Variants in RPS6KA5 observed in about 807,000 individuals in gnomAD.
RPS6KA5 encodes ribosomal protein S6 kinase A5, also known as ribosomal protein S6 kinase alpha-5.
RPS6KA5 carries 27 observed loss-of-function variants against 85.5 expected under a neutral mutation model. That is an observed-to-expected ratio of 0.32 (90% CI 0.23 to 0.44). RPS6KA5 has a LOEUF of 0.44. Among genes scored for constraint, RPS6KA5 ranks in the 20% least tolerant of loss-of-function variants. The probability of loss-of-function intolerance (pLI) is 1.00; values close to 1 mark genes in which losing one functional copy is unlikely to be tolerated. For synonymous variants in RPS6KA5, 334 were observed against 348.2 expected, an observed-to-expected ratio of 0.96 and a Z score of 0.46; for missense variants, 811 against 980.9, an observed-to-expected ratio of 0.83 and a Z score of 2.31.
chr14:90,943,038 A>T, intron 5 of RPS6KA5, 40 bp downstream of exon 5: 1 of 1,110,688 alleles, frequency 9.0e-7, no homozygotes, highest in Non-Finnish European at 1.4e-6. Context: ...ATCCTTGTTT[A>T]CATGCTGTTA....
intron 1 of RPS6KA5, among the ~76,000 whole-genome samples, chr14:91,049,186 G>A (rs534066457): frequency 3.3e-4 from 50 of 152,270 alleles, no homozygotes; most frequent in African/African-American, 1.2e-3. Flanking sequence ...TTCTTTTAAG[G>A]TCTAGGCACT....
rs530753361 is a variant in RPS6KA5 at position 90,848,677 on chromosome 14, A to T, written c.*23397T>A. 1 of 152,328 alleles carries T rather than the reference A, an allele frequency of 6.6e-6. No homozygotes were observed. Among genetic ancestry groups the T allele is most frequent in the East Asian group, 1.9e-4 (1 of 5,190 alleles). 9.4% of individuals were successfully genotyped at this position (152,328 alleles called of 1,614,324 possible). The stretch of plus-strand genomic sequence containing the variant: ...CTTCTAGAGAGACTTAGAAAAAAAA[A>T]GCCATGCAAATAAAAATCTCATTAC... On this transcript the variant is annotated 3_prime_UTR_variant, in exon 17 of 17. Coordinates refer to ENST00000614987, the MANE Select transcript of RPS6KA5 (RefSeq NM_004755.4).
intron 1 of RPS6KA5, among the ~76,000 whole-genome samples, chr14:91,022,507 G>A (rs1029663546): frequency 1.3e-5 from 2 of 152,086 alleles, no homozygotes; most frequent in African/African-American, 4.8e-5. Flanking sequence ...GATGGTTGGT[G>A]GCAGTTAAAG....
chr14:91,016,884 A>G (rs920480761), intron 1 of RPS6KA5, among the ~76,000 whole-genome samples: 1 of 141,106 alleles, frequency 7.1e-6, no homozygotes, highest in African/African-American at 2.6e-5. Context: ...AAAAAAAAAA[A>G]CTGAAGGTAT....
intron 14 of RPS6KA5, among the ~76,000 whole-genome samples, chr14:90,889,368 C>T (rs1301657281): frequency 6.6e-6 from 1 of 150,404 alleles, no homozygotes; most frequent in Non-Finnish European, 1.5e-5. Context: ...TGAAAAGATG[C>T]TCTAACTAAA....
chr14:90,986,891 C>G (rs2040077862), intron 2 of RPS6KA5, among the ~76,000 whole-genome samples: 1 of 152,238 alleles, frequency 6.6e-6, no homozygotes, highest in African/African-American at 2.4e-5. Flanking sequence ...CTCCTGACCA[C>G]CCTCCTTCCC....
chr14:90,989,556 T>C (rs1288524993), intron 2 of RPS6KA5, among the ~76,000 whole-genome samples: 2 of 152,214 alleles, frequency 1.3e-5, no homozygotes, highest in Non-Finnish European at 2.9e-5. Flanking sequence ...ACTTCATTAT[T>C]AGAATTACTG....
chr14:90,918,867 T>G (rs990935716), intron 7 of RPS6KA5, among the ~76,000 whole-genome samples: 6 of 152,342 alleles, frequency 3.9e-5, no homozygotes, highest in Non-Finnish European at 7.3e-5. Flanking sequence ...TAAATTACTG[T>G]AACTTAGAAC....
chr14:90,914,096 G>T (rs1344800960), intron 7 of RPS6KA5, among the ~76,000 whole-genome samples: 1 of 152,054 alleles, frequency 6.6e-6, no homozygotes, highest in Non-Finnish European at 1.5e-5. Context: ...TATGTATGAG[G>T]CTGACCTTTT....
intron 1 of RPS6KA5, among the ~76,000 whole-genome samples, chr14:91,035,279 G>A (rs1443224968): frequency 6.6e-6 from 1 of 151,736 alleles, no homozygotes; most frequent in African/African-American, 2.4e-5. Context: ...CTAGGAGACA[G>A]AGTATTACAA....
intron 14 of RPS6KA5, among the ~76,000 whole-genome samples, chr14:90,883,495 TA>T (rs2033988032): frequency 6.6e-6 from 1 of 152,222 alleles, no homozygotes; most frequent in Non-Finnish European, 1.5e-5. Flanking sequence ...TCAGGTTTTC[TA>T]TCTCTTTACT....
chr14:90,903,069 G>A, intron 8 of RPS6KA5, 100 bp from the exon 9 acceptor site: 10 of 975,344 alleles, frequency 1.0e-5, no homozygotes, highest in East Asian at 2.5e-5. Flanking sequence ...TAGGGAGAGA[G>A]GATAAAAATA....
At chr14:91,019,839 C>T (rs1297720340) in intron 1 of RPS6KA5, among the ~76,000 whole-genome samples, 1 of 152,122 alleles carries the variant, frequency 6.6e-6, no homozygotes, top group Non-Finnish European at 1.5e-5. Flanking sequence ...TACAGTCATG[C>T]ATCACTTAAC....
intron 1 of RPS6KA5, among the ~76,000 whole-genome samples, chr14:91,048,406 A>G (rs2042952386): frequency 6.6e-6 from 1 of 152,192 alleles, no homozygotes. Flanking sequence ...GAAATAAAAT[A>G]ACTGCAATAC....
chr14:90,918,762 T>C (rs541178555), intron 7 of RPS6KA5, among the ~76,000 whole-genome samples: 5 of 152,334 alleles, frequency 3.3e-5, no homozygotes, highest in Admixed American at 2.0e-4. Context: ...GCACCATTTA[T>C]TCAAAACTAT....
intron 16 of RPS6KA5, 33 bp downstream of exon 16, chr14:90,873,596 CAAA>C: frequency 6.4e-7 from 1 of 1,550,688 alleles, no homozygotes; most frequent in Non-Finnish European, 8.8e-7. Flanking sequence ...GATTCCTACT[CAAA>C]CCGCCCAACA....
Position 90,873,753 on chromosome 14 carries a change from C to T in RPS6KA5, c.2039G>A (p.Gly680Asp). 1.2e-6 allele frequency: 2 copies of T among 1,614,032 alleles called. No homozygotes were observed. The highest frequency in any genetic ancestry group is 1.7e-6 in the Non-Finnish European group (2 of 1,179,966). The change falls in exon 16 of 17, where the codon GGC becomes GAC. Residue 680 changes from glycine to aspartate, a missense_variant. Physicochemically the swap from Gly to Asp is moderately conservative, Grantham distance 94. Around this residue, in one of 3 missense-constraint regions of RPS6KA5, gnomAD observed 650 missense variants for 793.4 expected, o/e 0.82. Transcript: ENST00000614987. The stretch of plus-strand genomic sequence containing the variant: ...TTGTAGCCATTCATTGTACCTCAAG[C>T]CAGACATTTTAAGCCTTTTGTTTGG... Reference protein sequence around the residue: ...VDPNKRLKMSGLRYNEWLQDG... With the variant: ...VDPNKRLKMSDLRYNEWLQDG...
In RPS6KA5 at chr14:91,005,863, T is replaced by A. The variant is rs560961313; in HGVS notation, c.104-4704A>T. 3.9e-5 allele frequency among the ~76,000 whole-genome samples: 6 copies of A among 152,264 alleles called. No homozygotes were observed. In the East Asian group the frequency reaches 9.7e-4, roughly 25 times the overall value. ...CAGGTGAAATAAAACATCAACCAAT[T>A]GCTGAAATCTGTATGTGTGAGTCAT... On this transcript the variant is annotated intron_variant, in intron 1 of 16. Coordinates refer to ENST00000614987, the MANE Select transcript of RPS6KA5 (RefSeq NM_004755.4).
chr14:90,894,177 C>T, intron 13 of RPS6KA5: 1 of 1,155,356 alleles, frequency 8.7e-7, no homozygotes, highest in Non-Finnish European at 1.1e-6. Context: ...AAAAGGTTCT[C>T]ACACTTACAA....
Sources: allele counts gnomAD v4.1 joint callset (sites outside exome capture counted in the v4.1 genomes callset), GRCh38; gene constraint gnomAD v4.1.1; regional missense constraint gnomAD v4.1.1; transcripts MANE v1.5; gene names NCBI Gene and HGNC (gene_info 2026-07-23, HGNC 2026-07-21).